SLC24A2: variants seen among roughly 807,000 people sequenced by gnomAD.
SLC24A2 encodes the protein solute carrier family 24 member 2.
SLC24A2 carries 36 observed loss-of-function variants against 62.0 expected under a neutral mutation model. The observed-to-expected ratio is 0.58, with a 90% CI of 0.44 to 0.77. The LOEUF is 0.77. Among genes scored for constraint, SLC24A2 ranks in the 30% least tolerant of loss-of-function variants. SLC24A2 has a pLI of 0.00. For missense variants in SLC24A2, 846 were observed against 817.9 expected, an observed-to-expected ratio of 1.03 and a Z score of -0.42; for synonymous variants, 358 against 294.0, an observed-to-expected ratio of 1.22 and a Z score of -2.23.
the SLC24A2 span, among the ~76,000 whole-genome samples, chr9:19,858,530 C>T: frequency 2.6e-5 from 4 of 152,062 alleles, no homozygotes; most frequent in Admixed American, 6.6e-5. Flanking sequence ...TTCTTTACAG[C>T]AAAATAAACT....
At chr9:19,999,035 G>A in the SLC24A2 span, among the ~76,000 whole-genome samples, 4 of 152,210 alleles carry the variant, frequency 2.6e-5, no homozygotes, top group African/African-American at 9.6e-5. Flanking sequence ...TTCAGTATGA[G>A]TTTTGGTTCC....
chr9:19,546,995 G>A (rs1011028292), intron 8 of SLC24A2, among the ~76,000 whole-genome samples: 1 of 152,070 alleles, frequency 6.6e-6, no homozygotes, highest in Non-Finnish European at 1.5e-5. Context: ...CCCCACCTTA[G>A]CTGGAAATGT....
At chr9:20,189,761 G>T in the SLC24A2 span, among the ~76,000 whole-genome samples, 1 of 150,874 alleles carries the variant, frequency 6.6e-6, no homozygotes, top group Non-Finnish European at 1.5e-5. Flanking sequence ...CAAGGTCTCT[G>T]CAAATCGCAT....
the SLC24A2 span, among the ~76,000 whole-genome samples, chr9:19,968,984 T>C: frequency 2.0e-5 from 3 of 152,134 alleles, no homozygotes; most frequent in Admixed American, 6.6e-5. Flanking sequence ...AATATGATAA[T>C]AAAAGGTTTA....
chr9:19,874,654 G>T, the SLC24A2 span, among the ~76,000 whole-genome samples: 3 of 152,156 alleles, frequency 2.0e-5, no homozygotes, highest in South Asian at 6.2e-4. Context: ...GCCAGACAAG[G>T]ACAGGCTTAT....
Position 19,516,340 on chromosome 9 carries a change from C to T in SLC24A2, c.1799G>A (p.Ser600Asn), listed in dbSNP as rs916311640. 4 of 1,613,982 alleles carry T rather than the reference C, an allele frequency of 2.5e-6. No individual in the cohort carries two copies. In the African/African-American group the frequency reaches 4.0e-5, roughly 16 times the overall value. The change falls in exon 11 of 11, where the codon AGC (serine) becomes AAC (asparagine). Residue 600 changes from serine (S) to asparagine (N), a missense_variant. By Grantham distance (46) the Ser-to-Asn change is conservative. Transcript: ENST00000341998. ...IHRFQPVAVS[S>N]NGLFCAIVLL... ...GACGATGGCACAGAAAAGGCCATTG[C>T]TGCTGACAGCCACTGGCTGGAATCT... is the stretch of plus-strand genomic sequence containing the variant.
chr9:19,975,888 A>G, the SLC24A2 span, among the ~76,000 whole-genome samples: 1 of 111,680 alleles, frequency 9.0e-6, no homozygotes, highest in Non-Finnish European at 2.1e-5. Context: ...CAATATGACC[A>G]TAAACATACG....
At chr9:19,833,186 G>A in the SLC24A2 span, among the ~76,000 whole-genome samples, 1 of 152,146 alleles carries the variant, frequency 6.6e-6, no homozygotes, top group Non-Finnish European at 1.5e-5. Flanking sequence ...ATTTCCAACT[G>A]AGGTACCGGG....
the SLC24A2 span, among the ~76,000 whole-genome samples, chr9:19,888,976 C>T: frequency 4.1e-3 from 630 of 152,320 alleles, 2 homozygotes; most frequent in Non-Finnish European, 7.4e-3. Context: ...CCTGGAGAAT[C>T]TGGTGGAGCC....
chr9:20,243,571 C>T, the SLC24A2 span, among the ~76,000 whole-genome samples: 3 of 152,106 alleles, frequency 2.0e-5, no homozygotes, highest in Non-Finnish European at 2.9e-5. Flanking sequence ...GATTGTAACA[C>T]GCTTACACAT....
chr9:19,982,729 A>G, the SLC24A2 span, among the ~76,000 whole-genome samples: 1 of 152,184 alleles, frequency 6.6e-6, no homozygotes, highest in South Asian at 2.1e-4. Context: ...AAAGACAATA[A>G]AAGAAGAAAC....
chr9:20,116,452 T>C, the SLC24A2 span, among the ~76,000 whole-genome samples: 2 of 152,166 alleles, frequency 1.3e-5, no homozygotes, highest in African/African-American at 4.8e-5. Flanking sequence ...TTCTCTTGAA[T>C]TCATCACATC....
At chr9:19,534,172 A>G (rs113721103) in intron 8 of SLC24A2, among the ~76,000 whole-genome samples, 119 of 152,274 alleles carry the variant, frequency 7.8e-4, no homozygotes, top group African/African-American at 2.7e-3. Flanking sequence ...TGTGGGGGGA[A>G]AACCCATCAC....
In SLC24A2 at chr9:19,636,295, TTTTCTTTTCTTTTCTTTTCTTTTCTTTC is replaced by T. The variant is rs1564009493; in HGVS notation, c.931-14024_931-13997del. On this transcript the variant is annotated intron_variant, in intron 2 of 10. Coordinates refer to ENST00000341998, the MANE Select transcript of SLC24A2 (RefSeq NM_020344.4). ...CTTCTTCTCTTCTTCTCTTCTTTTC[TTTTCTTTTCTTTTCTTTTCTTTTCTTTC>T]TTTCTTTCTTTCTTTCTTTCTTTCT... Among the ~76,000 whole-genome samples, 2 of 42,258 alleles carry T rather than the reference TTTTCTTTTCTTTTCTTTTCTTTTCTTTC, an allele frequency of 4.7e-5. 1 individual carries two copies. Among genetic ancestry groups the T allele is most frequent in the Non-Finnish European group, 9.6e-5 (2 of 20,896 alleles). 27.7% of individuals were successfully genotyped at this position (42,258 alleles called of 152,430 possible). A position where few individuals can be genotyped will look rare whatever the true frequency, so the allele number is the denominator to read the frequency against.
the SLC24A2 span, among the ~76,000 whole-genome samples, chr9:19,850,986 T>TATACATAC: frequency 3.1e-5 from 1 of 32,104 alleles, no homozygotes; most frequent in African/African-American, 1.0e-4. Context: ...TATATATATG[T>TATACATAC]ATATATATAT....
intron 2 of SLC24A2, among the ~76,000 whole-genome samples, chr9:19,647,066 G>GCACA (rs1158736193): frequency 1.2e-4 from 3 of 25,386 alleles, no homozygotes; most frequent in African/African-American, 3.8e-4. Flanking sequence ...ACACACACGC[G>GCACA]CGCACACACA....
chr9:19,591,690 TA>T (rs1836556982), intron 5 of SLC24A2, among the ~76,000 whole-genome samples: 1 of 152,202 alleles, frequency 6.6e-6, no homozygotes, highest in Non-Finnish European at 1.5e-5. Flanking sequence ...ACAAATCATA[TA>T]CGAGGGTGGT....
At chr9:19,688,124 G>A (rs112874540) in intron 2 of SLC24A2, among the ~76,000 whole-genome samples, 1 of 152,112 alleles carries the variant, frequency 6.6e-6, no homozygotes. Context: ...CTTGTAGCTT[G>A]TATAAATCTT....
intron 2 of SLC24A2, among the ~76,000 whole-genome samples, chr9:19,722,975 A>G (rs77867592): frequency 0.021 from 3,212 of 152,196 alleles, 123 homozygotes; most frequent in African/African-American, 0.073. Context: ...CTCTGAAAGT[A>G]ATGAAATTCT....
Sources: allele counts gnomAD v4.1 joint callset (sites outside exome capture counted in the v4.1 genomes callset), GRCh38; gene constraint gnomAD v4.1.1; transcripts MANE v1.5; gene names NCBI Gene and HGNC (gene_info 2026-07-23, HGNC 2026-07-21).